The following KCNMA1 variants were observed in gnomAD, a reference collection of about 807,000 sequenced individuals.
KCNMA1 encodes potassium calcium-activated channel subfamily M alpha 1.
A neutral mutation model predicts 140.0 loss-of-function variants in KCNMA1; 29 were observed. The observed-to-expected ratio is 0.21, with a 90% confidence interval of 0.15 to 0.28. The LOEUF (loss-of-function observed/expected upper bound fraction) is 0.28, where lower values mean the gene tolerates loss of function less well. Ranked by LOEUF, KCNMA1 falls within the 10% of genes least tolerant of loss-of-function variation. The probability of loss-of-function intolerance (pLI) is 1.00; values close to 1 mark genes in which losing one functional copy is unlikely to be tolerated. For missense variants in KCNMA1, 880 were observed against 1,602.2 expected (o/e 0.55, Z 7.70); for synonymous variants, 612 against 611.9 (o/e 1.00, Z 0.00).
At chr10:77,057,775 A>G (rs982012411) in intron 14 of KCNMA1, among the ~76,000 whole-genome samples, 49 of 151,970 alleles carry the variant, frequency 3.2e-4, no homozygotes, top group African/African-American at 1.1e-3. Flanking sequence ...AGACCAAAAA[A>G]AATTCTGAAA....
chr10:77,014,753 G>A (rs1278999285), intron 17 of KCNMA1, among the ~76,000 whole-genome samples: 1 of 152,294 alleles, frequency 6.6e-6, no homozygotes, highest in Non-Finnish European at 1.5e-5. Flanking sequence ...ATGAGGCAAG[G>A]GTCGGGGGTG....
At chr10:77,490,596 G>A (rs1242155776) in intron 1 of KCNMA1, among the ~76,000 whole-genome samples, 2 of 152,200 alleles carry the variant, frequency 1.3e-5, no homozygotes, top group African/African-American at 2.4e-5. Context: ...ACTAGGTTAT[G>A]TCATTTAATC....
At chr10:77,239,465 G>A (rs372089775) in intron 3 of KCNMA1, among the ~76,000 whole-genome samples, 8 of 152,204 alleles carry the variant, frequency 5.3e-5, no homozygotes, top group Non-Finnish European at 1.2e-4. Flanking sequence ...AGCAACATGA[G>A]ATAGGTATCC....
rs2095651605 is a variant in KCNMA1 at position 77,387,559 on chromosome 10, T to TCTTTTCTTTTTTTTCTTTTC, written c.540+16302_540+16303insGAAAAGAAAAAAAAGAAAAG. Among the ~76,000 whole-genome samples, 8 of 149,846 alleles carry TCTTTTCTTTTTTTTCTTTTC rather than the reference T, an allele frequency of 5.3e-5. No homozygotes were observed. In the South Asian group the frequency reaches 8.5e-4, roughly 16 times the overall value. On this transcript the variant is annotated intron_variant, in intron 2 of 27. Coordinates refer to ENST00000286628, the MANE Select transcript of KCNMA1 (RefSeq NM_001161352.2). ...TCTTTTCTTTTCTTTTCTTTTCTTT[T>TCTTTTCTTTTTTTTCTTTTC]TCTTTTCTTTTCTTTTTTTTCTTTT...
intron 21 of KCNMA1, among the ~76,000 whole-genome samples, chr10:76,949,863 G>A (rs2065599159): frequency 6.6e-6 from 1 of 152,150 alleles, no homozygotes; most frequent in Non-Finnish European, 1.5e-5. Flanking sequence ...ACTTATCAGT[G>A]AGATGTCCGT....
intron 3 of KCNMA1, among the ~76,000 whole-genome samples, chr10:77,186,290 C>T (rs560482741): frequency 6.7e-6 from 1 of 148,612 alleles, no homozygotes; most frequent in Admixed American, 6.7e-5. Flanking sequence ...TCCAGACAAG[C>T]ATTAAGAGTA....
intron 14 of KCNMA1, among the ~76,000 whole-genome samples, chr10:77,053,512 C>G (rs1262778081): frequency 2.0e-5 from 3 of 152,138 alleles, no homozygotes; most frequent in Non-Finnish European, 4.4e-5. Flanking sequence ...AACAATGCTG[C>G]TGCCCTAAAA....
At chr10:77,499,424 C>T (rs12357779) in intron 1 of KCNMA1, among the ~76,000 whole-genome samples, 52 of 133,756 alleles carry the variant, frequency 3.9e-4, no homozygotes, top group Non-Finnish European at 5.0e-4. Flanking sequence ...TATATATATA[C>T]ACACACACAC....
At chr10:77,048,792 G>A (rs887348449) in intron 14 of KCNMA1, among the ~76,000 whole-genome samples, 2 of 151,966 alleles carry the variant, frequency 1.3e-5, no homozygotes, top group Non-Finnish European at 2.9e-5. Context: ...ATGGAGTCTC[G>A]CTCTGTCACC....
intron 1 of KCNMA1, among the ~76,000 whole-genome samples, chr10:77,429,843 TC>T (rs2097113184): frequency 6.6e-6 from 1 of 152,098 alleles, no homozygotes; most frequent in South Asian, 2.1e-4. Context: ...ACCCAACCTT[TC>T]CATTGAACAA....
At chr10:77,270,277 T>G (rs1471376576) in intron 2 of KCNMA1, among the ~76,000 whole-genome samples, 2 of 152,154 alleles carry the variant, frequency 1.3e-5, no homozygotes, top group Non-Finnish European at 2.9e-5. Flanking sequence ...TGTTCATGTA[T>G]GAGTTCCCAC....
chr10:77,126,555 T>C (rs1285098114), intron 5 of KCNMA1, among the ~76,000 whole-genome samples: 1 of 152,220 alleles, frequency 6.6e-6, no homozygotes, highest in Non-Finnish European at 1.5e-5. Flanking sequence ...GCAGATGCTG[T>C]AGGGTACAGC....
At chr10:77,018,552 A>C (rs2092455995) in intron 17 of KCNMA1, among the ~76,000 whole-genome samples, 1 of 152,248 alleles carries the variant, frequency 6.6e-6, no homozygotes, top group African/African-American at 2.4e-5. Context: ...GGCCACAAAT[A>C]GAAATAGAGC....
chr10:77,107,353 T>TA (rs1394699212), intron 9 of KCNMA1, among the ~76,000 whole-genome samples: 3 of 152,188 alleles, frequency 2.0e-5, no homozygotes, highest in Non-Finnish European at 4.4e-5. Context: ...GGTAGGATGA[T>TA]AGTGACTGGG....
chr10:77,317,786 G>A (rs1378303282), intron 2 of KCNMA1, among the ~76,000 whole-genome samples: 1 of 152,218 alleles, frequency 6.6e-6, no homozygotes, highest in Non-Finnish European at 1.5e-5. Context: ...AATTCGAGGT[G>A]ATATTAATAA....
rs373320439 is a variant in KCNMA1 at position 77,521,776 on chromosome 10, C to T, written c.378+115489G>A. Among the ~76,000 whole-genome samples the T allele has an allele frequency of 5.3e-4, 81 of 152,282 alleles. 1 individual carries two copies. In the South Asian group the frequency reaches 0.017, roughly 32 times the overall value. Reference sequence around the variant, plus strand: ...GAATGAATGACACCCACCCCAGTTTCTCACCCCATCTCCCAACACCAGGAT... The same window carrying T: ...GAATGAATGACACCCACCCCAGTTTTTCACCCCATCTCCCAACACCAGGAT... On this transcript the variant is annotated intron_variant, in intron 1 of 27. Transcript: ENST00000286628.
Position 77,620,735 on chromosome 10 carries a change from T to C in KCNMA1, c.378+16530A>G, listed in dbSNP as rs547565355. On this transcript the variant is annotated intron_variant, in intron 1 of 27. Coordinates refer to ENST00000286628, the MANE Select transcript of KCNMA1 (RefSeq NM_001161352.2). The stretch of plus-strand genomic sequence containing the variant: ...TTCTCCCCATTTTTGGAAACCCAAA[T>C]TCTTGATGTTTCTGTTATTCACATT... 2.0e-5 allele frequency among the ~76,000 whole-genome samples: 3 copies of C among 152,350 alleles called. No individual in the cohort carries two copies. In the East Asian group the frequency reaches 5.8e-4, roughly 29 times the overall value.
rs2037116264 is a variant in KCNMA1, at chr10:76,886,681, T to G, written c.*585A>C. 1 of 995,078 alleles carries G rather than the reference T, an allele frequency of 1.0e-6. No individual in the cohort carries two copies. Among genetic ancestry groups the G allele is most frequent in the African/African-American group, 1.7e-5 (1 of 57,276 alleles). 61.6% of individuals were successfully genotyped at this position (995,078 alleles called of 1,614,324 possible). A position where few individuals can be genotyped will look rare whatever the true frequency, so the allele number is the denominator to read the frequency against. ...ATGTTCTCTTGCAACAAGCAGGTCC[T>G]TCATAATCATCTACACAAATCGTGA... On this transcript the variant is annotated 3_prime_UTR_variant, in exon 28 of 28. Transcript: ENST00000286628.
intron 5 of KCNMA1, 25 bp downstream of exon 5, chr10:77,183,393 AAGG>A (rs905738137): frequency 1.4e-5 from 21 of 1,457,434 alleles, no homozygotes; most frequent in Admixed American, 1.2e-4. Flanking sequence ...AGGAACCAGG[AAGG>A]AGAAGGAAAG....
Sources: allele counts gnomAD v4.1 joint callset (sites outside exome capture counted in the v4.1 genomes callset), GRCh38; gene constraint gnomAD v4.1.1; transcripts MANE v1.5; gene names NCBI Gene and HGNC (gene_info 2026-07-23, HGNC 2026-07-21).